ASB4: variants seen among roughly 807,000 people sequenced by gnomAD.
The protein encoded by ASB4 is ankyrin repeat and SOCS box protein 4.
Under a neutral mutation model 38.6 loss-of-function variants are expected in ASB4, and 35 were observed. The ratio of observed to expected loss-of-function variants is 0.91; its 90% CI spans 0.69 to 1.20. The LOEUF (loss-of-function observed/expected upper bound fraction) is 1.20. Among genes scored for constraint, ASB4 ranks in the 50% most tolerant of loss-of-function variants. The probability of loss-of-function intolerance (pLI) is 0.00; values close to 1 mark genes in which losing one functional copy is unlikely to be tolerated. For synonymous variants in ASB4, 195 were observed against 201.3 expected, an observed-to-expected ratio of 0.97 and a Z score of 0.26; for missense variants, 557 against 527.2, an observed-to-expected ratio of 1.06 and a Z score of -0.55.
intron 3 of ASB4, among the ~76,000 whole-genome samples, chr7:95,529,978 C>T (rs1175889107): frequency 1.3e-5 from 2 of 151,784 alleles, no homozygotes; most frequent in African/African-American, 4.8e-5. Context: ...GTTCTATTTG[C>T]TGGAGGTAGA....
rs1038009951 is a variant in ASB4, at chr7:95,496,036, G to T, written c.466G>T (p.Ala156Ser). 27 of 1,613,044 alleles carry T rather than the reference G, an allele frequency of 1.7e-5. No homozygotes were observed. Among genetic ancestry groups the T allele is most frequent in the Non-Finnish European group, 2.1e-5 (25 of 1,179,286 alleles). ...FCTTPSSILC[A>S]KQLVWRGANV... Reference sequence around the variant, plus strand: ...TACAACTCCAAGTTCCATTCTCTGTGCCAAGCAATTGGTTTGGAGAGGTAA... The same window carrying T: ...TACAACTCCAAGTTCCATTCTCTGTTCCAAGCAATTGGTTTGGAGAGGTAA... Residue 156 changes from alanine (A) to serine (S), a missense_variant, in exon 2 of 5, where the codon GCC becomes TCC. Transcript: ENST00000325885.
chr7:95,513,183 T>C (rs1321810842), intron 2 of ASB4, among the ~76,000 whole-genome samples: 1 of 151,392 alleles, frequency 6.6e-6, no homozygotes, highest in Admixed American at 6.6e-5. Context: ...GGTAAGGAAA[T>C]GGACTCTTCT....
rs118061692 is a variant in ASB4 at position 95,539,144 on chromosome 7, G to A, written c.*1385G>A. 6.6e-6 allele frequency: 1 copy of A among 152,260 alleles called. No homozygotes were observed. Among genetic ancestry groups the A allele is most frequent in the East Asian group, 1.9e-4 (1 of 5,176 alleles). The allele number at this position is 152,260 out of a possible 1,614,324, so 9.4% of individuals were successfully genotyped here. ...GCATCATTTTTTAGAGGTTAAAGCA[G>A]AAGTAAATTGCAAACAAATCTGTCA... On this transcript the variant is annotated 3_prime_UTR_variant, in exon 5 of 5. Transcript: ENST00000325885.
At chr7:95,479,310 GAAC>G (rs1252644533) in intron 1 of ASB4, among the ~76,000 whole-genome samples, 4 of 152,160 alleles carry the variant, frequency 2.6e-5, no homozygotes. Context: ...CCACTGATAT[GAAC>G]AACAGTAATA....
upstream of ASB4, chr7:95,474,093 T>A (rs1433793183): frequency 3.9e-5 from 6 of 152,366 alleles, no homozygotes; most frequent in South Asian, 1.0e-3. Flanking sequence ...GGGCGCACCC[T>A]TACTTGATCT....
intron 2 of ASB4, among the ~76,000 whole-genome samples, chr7:95,504,290 G>A (rs896992968): frequency 6.6e-6 from 1 of 152,186 alleles, no homozygotes; most frequent in Non-Finnish European, 1.5e-5. Context: ...GCAATGTAAA[G>A]GGGACCATGC....
rs552749551 is a variant in ASB4 at position 95,492,880 on chromosome 7, G to A, written c.188-2878G>A. The stretch of plus-strand genomic sequence containing the variant: ...TTAAGTATTGAAGTTAATGTGATTC[G>A]TTCATCATCAAAAGCAAGCTGCATG... On this transcript the variant is annotated intron_variant, in intron 1 of 4. Transcript: ENST00000325885. 2.6e-5 allele frequency among the ~76,000 whole-genome samples: 4 copies of A among 152,262 alleles called. No homozygotes were observed. In the East Asian group the frequency reaches 5.8e-4, roughly 22 times the overall value.
upstream of ASB4, among the ~76,000 whole-genome samples, chr7:95,481,992 A>ACCTCCTG (rs1340081178): frequency 2.6e-5 from 4 of 152,198 alleles, no homozygotes; most frequent in Non-Finnish European, 5.9e-5. Context: ...AGGTGAGTTG[A>ACCTCCTG]AGCGGTGGCT....
At chr7:95,529,706 G>T (rs12670004) in intron 3 of ASB4, among the ~76,000 whole-genome samples, 28,200 of 152,150 alleles carry the variant, frequency 0.19, 2,640 homozygotes, top group Middle Eastern at 0.28. Context: ...AACTACAAAT[G>T]ATTAAGATGA....
rs547884493 is a variant in ASB4 at position 95,510,810 on chromosome 7, C to T, written c.487+14753C>T. 1.2e-3 allele frequency among the ~76,000 whole-genome samples: 188 copies of T among 152,260 alleles called. 2 individuals carry two copies. Among genetic ancestry groups the T allele is most frequent in the African/African-American group, 4.3e-3 (180 of 41,540 alleles). On this transcript the variant is annotated intron_variant, in intron 2 of 4. Coordinates refer to ENST00000325885, the MANE Select transcript of ASB4 (RefSeq NM_016116.3). ...TGAGTTTTCAGTCTGGATGTGTTAT[C>T]TTTGTTTTATAACTGGAAGCATCTG... is the stretch of plus-strand genomic sequence containing the variant.
intron 2 of ASB4, among the ~76,000 whole-genome samples, chr7:95,526,004 A>G (rs1790731320): frequency 1.3e-5 from 2 of 152,250 alleles, no homozygotes; most frequent in South Asian, 4.1e-4. Flanking sequence ...ATAAGGGCAT[A>G]AAGGAACAAT....
At chr7:95,498,546 G>A (rs535358571) in intron 2 of ASB4, among the ~76,000 whole-genome samples, 132 of 152,228 alleles carry the variant, frequency 8.7e-4, no homozygotes, top group African/African-American at 3.1e-3. Context: ...TGGGTTGCCT[G>A]TATTCTTATT....
rs1446794752 is a variant in ASB4, at chr7:95,528,551, T to C, written c.978+248T>C. ...AGCAAATAATTTGTTTTGCCTTGTG[T>C]GAACACCAGTGCACTGGTGGCTTCC... On this transcript the variant is annotated intron_variant, in intron 3 of 4. Coordinates refer to ENST00000325885, the MANE Select transcript of ASB4 (RefSeq NM_016116.3). The C allele has an allele frequency of 2.1e-6, 3 of 1,422,648 alleles. No individual in the cohort carries two copies. The African/African-American group carries it at 4.3e-5, about 20-fold the overall frequency. 88.1% of individuals were successfully genotyped at this position (1,422,648 alleles called of 1,614,324 possible).
the ASB4 span, among the ~76,000 whole-genome samples, chr7:95,550,073 T>C: frequency 6.6e-6 from 1 of 152,190 alleles, no homozygotes; most frequent in South Asian, 2.1e-4. Flanking sequence ...AACCTGTATT[T>C]ACTCCTTGCA....
intron 1 of ASB4, among the ~76,000 whole-genome samples, chr7:95,491,843 C>T (rs745539936): frequency 1.3e-5 from 2 of 152,296 alleles, no homozygotes; most frequent in East Asian, 3.9e-4. Flanking sequence ...GATGATTGTA[C>T]GCTGATGGCC....
chr7:95,490,462 G>T (rs1420260887), intron 1 of ASB4, among the ~76,000 whole-genome samples: 1 of 152,188 alleles, frequency 6.6e-6, no homozygotes, highest in African/African-American at 2.4e-5. Context: ...CAAGAATTGT[G>T]CTTCAGTCTG....
At chr7:95,505,848 C>G (rs59348835) in intron 2 of ASB4, among the ~76,000 whole-genome samples, 2 of 152,068 alleles carry the variant, frequency 1.3e-5, no homozygotes, top group Non-Finnish European at 2.9e-5. Flanking sequence ...TCTACATACT[C>G]ATTGCTATTT....
intron 2 of ASB4, among the ~76,000 whole-genome samples, chr7:95,515,183 TTCTTTC>T (rs2116623166): frequency 9.0e-6 from 1 of 111,284 alleles, no homozygotes; most frequent in African/African-American, 4.2e-5. Context: ...CTTTCTTTCT[TTCTTTC>T]TTTCTTTCTT....
exon 1 of ASB4, chr7:95,478,458 C>T (rs1451788402): frequency 6.6e-6 from 1 of 152,134 alleles, no homozygotes; most frequent in Non-Finnish European, 1.5e-5. Context: ...AATGAATAGT[C>T]TGTCAAAATT....
Sources: allele counts gnomAD v4.1 joint callset (sites outside exome capture counted in the v4.1 genomes callset), GRCh38; gene constraint gnomAD v4.1.1; transcripts MANE v1.5; gene names NCBI Gene and HGNC (gene_info 2026-07-23, HGNC 2026-07-21).